Variants in NTM observed in about 807,000 individuals in gnomAD.
The protein encoded by NTM is neurotrimin.
In NTM, 13 loss-of-function variants were observed where a neutral mutation model predicts 42.1. The ratio of observed to expected loss-of-function variants is 0.31; its 90% CI spans 0.20 to 0.49. The LOEUF is 0.49. Ranked by LOEUF, NTM falls within the 20% of genes least tolerant of loss-of-function variation. The pLI, the probability that NTM is intolerant of heterozygous loss-of-function variation, is 0.99. For missense variants in NTM, 373 were observed against 452.8 expected (o/e 0.82, Z 1.60); for synonymous variants, 187 against 179.2 (o/e 1.04, Z -0.35).
At position 132,336,382 on chromosome 11, in the gene NTM, A is replaced by G. The variant is rs1441143797; in HGVS notation, c.*1236A>G. On this transcript the variant is annotated 3_prime_UTR_variant, in exon 9 of 9. Transcript: ENST00000683400. ...ATGTCAGAGACATTTATAAAAAGTG[A>G]AAGGATAAAAAAAAAAAAAAACAAC... 1 of 151,550 alleles carries G rather than the reference A, an allele frequency of 6.6e-6. No homozygotes were observed. Among genetic ancestry groups the G allele is most frequent in the Non-Finnish European group, 1.5e-5 (1 of 67,832 alleles). 9.4% of individuals were successfully genotyped at this position (151,550 alleles called of 1,614,324 possible).
chr11:131,638,257 A>C (rs1014200003), intron 1 of NTM, among the ~76,000 whole-genome samples: 2 of 152,092 alleles, frequency 1.3e-5, no homozygotes, highest in Non-Finnish European at 2.9e-5. Flanking sequence ...ACTTTTAAAA[A>C]CTTAATTTGA....
chr11:132,111,306 A>G (rs1300036964), intron 2 of NTM, among the ~76,000 whole-genome samples: 1 of 151,562 alleles, frequency 6.6e-6, no homozygotes, highest in Non-Finnish European at 1.5e-5. Context: ...TTATATATAC[A>G]TATATATTTT....
chr11:131,760,466 G>A (rs1028665937), intron 1 of NTM, among the ~76,000 whole-genome samples: 2 of 152,180 alleles, frequency 1.3e-5, no homozygotes, highest in African/African-American at 4.8e-5. Flanking sequence ...TCATCAGCAT[G>A]GCGCATTGTT....
chr11:131,731,840 C>T (rs1002749669), intron 1 of NTM, among the ~76,000 whole-genome samples: 2 of 152,174 alleles, frequency 1.3e-5, no homozygotes, highest in African/African-American at 2.4e-5. Context: ...GAAAAGACTT[C>T]CTGAGCTGGG....
chr11:132,109,419 C>A (rs910207232), intron 2 of NTM, among the ~76,000 whole-genome samples: 4 of 152,196 alleles, frequency 2.6e-5, no homozygotes, highest in Non-Finnish European at 5.9e-5. Flanking sequence ...GGCAGTGGGG[C>A]CCAACCAGAC....
chr11:131,576,112 C>A (rs1214678149), intron 1 of NTM, among the ~76,000 whole-genome samples: 2 of 152,238 alleles, frequency 1.3e-5, no homozygotes, highest in East Asian at 3.9e-4. Flanking sequence ...GATTTGTGCT[C>A]CCTTCCTTCC....
intron 4 of NTM, among the ~76,000 whole-genome samples, chr11:132,283,077 C>T (rs997614123): frequency 6.7e-5 from 10 of 148,422 alleles, no homozygotes; most frequent in Non-Finnish European, 1.5e-4. Context: ...ACCTTCGCCT[C>T]CTGGGTTCAA....
At chr11:131,523,618 C>A (rs1210078750) in intron 1 of NTM, among the ~76,000 whole-genome samples, 1 of 151,652 alleles carries the variant, frequency 6.6e-6, no homozygotes, top group Admixed American at 6.6e-5. Flanking sequence ...GTGAAAACCC[C>A]ATCTCTACTA....
At chr11:131,981,008 G>T (rs1214681015) in intron 2 of NTM, 1 of 152,164 alleles carries the variant, frequency 6.6e-6, no homozygotes, top group African/African-American at 2.4e-5. Context: ...TGGGGTGTGT[G>T]TATGTGTGTT....
intron 1 of NTM, among the ~76,000 whole-genome samples, chr11:131,743,860 A>G (rs1321252610): frequency 6.6e-6 from 1 of 152,192 alleles, no homozygotes; most frequent in Non-Finnish European, 1.5e-5. Context: ...ACAATTCCCC[A>G]ATGCATATTT....
intron 1 of NTM, among the ~76,000 whole-genome samples, chr11:131,428,359 C>T (rs1008618531): frequency 1.3e-5 from 2 of 152,200 alleles, no homozygotes; most frequent in Non-Finnish European, 2.9e-5. Context: ...TGCATCCAAC[C>T]TGGGCCAGTT....
chr11:131,597,566 T>G (rs1475691808), intron 1 of NTM, among the ~76,000 whole-genome samples: 1 of 152,156 alleles, frequency 6.6e-6, no homozygotes, highest in East Asian at 1.9e-4. Context: ...CTGTTCCTAT[T>G]TCTGCTGCAC....
Position 131,911,599 on chromosome 11 carries a change from A to G in NTM, c.118A>G (p.Lys40Glu). The change falls in exon 2 of 9, where the codon AAA (lysine) becomes GAA (glutamate). Residue 40 changes from lysine to glutamate, a missense_variant. Physicochemically the swap from Lys to Glu is moderately conservative, Grantham distance 56 (BLOSUM62 1). This residue lies in a region of NTM where 32 missense variants were observed against 68.8 expected (regional missense o/e 0.47). Coordinates refer to ENST00000683400, the MANE Select transcript of NTM (RefSeq NM_001352005.2). ...PVRSGDATFP[K>E]AMDNVTVRQG... Reference sequence around the variant, plus strand: ...GCGCAGCGGAGATGCCACCTTCCCCAAAGCTATGGACAACGTGACGGTCCG... The same window carrying G: ...GCGCAGCGGAGATGCCACCTTCCCCGAAGCTATGGACAACGTGACGGTCCG... The G allele has an allele frequency of 6.2e-7, 1 of 1,614,234 alleles. No individual in the cohort carries two copies. The highest frequency in any genetic ancestry group is 8.5e-7 in the Non-Finnish European group (1 of 1,180,046).
At chr11:132,319,765 G>C (rs1385060791) in intron 7 of NTM, among the ~76,000 whole-genome samples, 1 of 152,262 alleles carries the variant, frequency 6.6e-6, no homozygotes, top group South Asian at 2.1e-4. Context: ...GCTTTGAAGA[G>C]AGCAGTGGTT....
At chr11:131,691,795 C>A (rs1025025072) in intron 1 of NTM, among the ~76,000 whole-genome samples, 1 of 152,210 alleles carries the variant, frequency 6.6e-6, no homozygotes, top group Non-Finnish European at 1.5e-5. Context: ...AGGGAGGCGG[C>A]GCATCCACAC....
At chr11:131,892,381 C>T (rs1025026724) in intron 1 of NTM, among the ~76,000 whole-genome samples, 1 of 152,206 alleles carries the variant, frequency 6.6e-6, no homozygotes, top group African/African-American at 2.4e-5. Flanking sequence ...GTTTATCAAC[C>T]ATTTCATGAA....
intron 1 of NTM, among the ~76,000 whole-genome samples, chr11:131,845,254 A>G (rs1473862102): frequency 6.6e-6 from 1 of 152,216 alleles, no homozygotes; most frequent in Non-Finnish European, 1.5e-5. Context: ...TAAGGAATTC[A>G]GTGAATAAAT....
intron 1 of NTM, among the ~76,000 whole-genome samples, chr11:131,558,744 C>T (rs1324992470): frequency 6.6e-6 from 1 of 152,096 alleles, no homozygotes; most frequent in East Asian, 1.9e-4. Context: ...AGGTTCACGT[C>T]TTTGAGAGGA....
chr11:131,471,136 A>G (rs1288268198), intron 1 of NTM, among the ~76,000 whole-genome samples: 1 of 152,218 alleles, frequency 6.6e-6, no homozygotes, highest in Non-Finnish European at 1.5e-5. Context: ...TTCATACATG[A>G]GTATTGTCAG....
Sources: gnomAD v4.1 joint callset for allele counts (sites outside exome capture counted in the v4.1 genomes callset) on GRCh38, gnomAD v4.1.1 for gene constraint, gnomAD v4.1.1 regional missense constraint, MANE v1.5 for transcripts, NCBI Gene and HGNC (gene_info 2026-07-23, HGNC 2026-07-21) for gene names.